Variants in AIFM2 observed in about 807,000 individuals in gnomAD.
AIFM2 encodes the protein AIF family member 2, ferroptosis suppressor.
A neutral mutation model predicts 35.7 loss-of-function variants in AIFM2; 38 were observed. The observed-to-expected ratio is 1.06, with a 90% CI of 0.82 to 1.39. The LOEUF (loss-of-function observed/expected upper bound fraction) is 1.39. AIFM2 is among the 40% of genes most tolerant of loss of function. The pLI is 0.00. For synonymous variants in AIFM2, 185 were observed against 203.5 expected (o/e 0.91, Z 0.77); for missense variants, 476 against 491.2 (o/e 0.97, Z 0.29).
rs974141789 is a variant in AIFM2 at position 70,112,329 on chromosome 10, C to T, written c.*1849G>A. 4 of 152,196 alleles carry T rather than the reference C, an allele frequency of 2.6e-5. No homozygotes were observed. Among genetic ancestry groups the T allele is most frequent in the Non-Finnish European group, 5.9e-5 (4 of 68,042 alleles). 9.4% of individuals were successfully genotyped at this position (152,196 alleles called of 1,614,324 possible). A position where few individuals can be genotyped will look rare whatever the true frequency, so the allele number is the denominator to read the frequency against. Reference sequence around the variant, plus strand: ...TCCTCAGTTTGGAAAACTGTGTCCCCACACGTAGGTCCTTCTAGAATATTG... The same window carrying T: ...TCCTCAGTTTGGAAAACTGTGTCCCTACACGTAGGTCCTTCTAGAATATTG... On this transcript the variant is annotated 3_prime_UTR_variant, in exon 9 of 9. Coordinates refer to ENST00000307864, the MANE Select transcript of AIFM2 (RefSeq NM_032797.6).
rs753571116 is a variant in AIFM2 at position 70,114,326 on chromosome 10, G to C, written c.974C>G (p.Ala325Gly). The change falls in exon 9 of 9, where the codon GCA becomes GGA. Residue 325 changes from alanine (A) to glycine (G), a missense_variant. Physicochemically the swap from Ala to Gly is moderately conservative, Grantham distance 60. Transcript: ENST00000307864. ...QRPLQAYKPGALTFLLSMGRN... is the reference protein window; with the variant it reads ...QRPLQAYKPGGLTFLLSMGRN... The stretch of plus-strand genomic sequence containing the variant: ...CCCCATGGACAGGAGGAACGTCAGT[G>C]CACCTGCAAGCAGAGACACAGAAAC... The C allele has an allele frequency of 6.2e-7, 1 of 1,613,846 alleles. No homozygotes were observed. The highest frequency in any genetic ancestry group is 8.5e-7 in the Non-Finnish European group (1 of 1,179,972).
chr10:70,114,600 G>A (rs60433919), intron 8 of AIFM2, among the ~76,000 whole-genome samples: 16,828 of 151,886 alleles, frequency 0.11, 1,268 homozygotes, highest in African/African-American at 0.19. Context: ...TCAACCTCCC[G>A]AGTAGCTGGG....
chr10:70,118,133 C>T, intron 5 of AIFM2: 1 of 498,958 alleles, frequency 2.0e-6, no homozygotes, highest in East Asian at 3.8e-5. Flanking sequence ...TACCCTCCTG[C>T]CACACCCAGG....
intron 3 of AIFM2, among the ~76,000 whole-genome samples, chr10:70,122,339 C>T (rs2072518857): frequency 6.6e-6 from 1 of 152,262 alleles, no homozygotes; most frequent in South Asian, 2.1e-4. Flanking sequence ...GTAATCTTTC[C>T]AACCAGGAAA....
At chr10:70,121,425 A>G (rs1351629550) in intron 3 of AIFM2, among the ~76,000 whole-genome samples, 2 of 152,080 alleles carry the variant, frequency 1.3e-5, no homozygotes, top group Non-Finnish European at 2.9e-5. Flanking sequence ...ACCTGGGGAA[A>G]GACCTAAGGA....
chr10:70,129,615 A>G (rs1428050066), intron 1 of AIFM2, among the ~76,000 whole-genome samples: 1 of 152,150 alleles, frequency 6.6e-6, no homozygotes, highest in African/African-American at 2.4e-5. Flanking sequence ...TCAATTCTCA[A>G]CACATCAAAC....
intron 6 of AIFM2, 77 bp from the exon 7 acceptor site, chr10:70,116,851 C>A: frequency 6.3e-7 from 1 of 1,577,104 alleles, no homozygotes; most frequent in South Asian, 1.1e-5. Flanking sequence ...CAAGGCTAAC[C>A]CTGGGGAGGG....
In AIFM2 at chr10:70,120,524, C is replaced by A; in HGVS notation, c.490G>T (p.Glu164Ter). 1 of 1,614,200 alleles carries A rather than the reference C, an allele frequency of 6.2e-7. No homozygotes were observed. Among genetic ancestry groups the A allele is most frequent in the Non-Finnish European group, 8.5e-7 (1 of 1,180,036 alleles). ...TGGCTCACCTCTTTCTCAGGATATT[C>A]TGTTTTAATCTCTGCTGCCATCTCC... ...GVEMAAEIKT[E>*]YPEKEVTLIH... The change falls in exon 5 of 9, where the codon GAA becomes TAA. Residue 164 changes from glutamate to a stop codon, truncating the protein, a stop_gained. Transcript: ENST00000307864. LOFTEE classifies it high-confidence loss of function.
At chr10:70,115,489 A>AGGTGT (rs1374370188) in intron 7 of AIFM2, among the ~76,000 whole-genome samples, 1 of 152,252 alleles carries the variant, frequency 6.6e-6, no homozygotes, top group Non-Finnish European at 1.5e-5. Flanking sequence ...AATGCAGGCC[A>AGGTGT]GGTGTGGTGG....
intron 1 of AIFM2, among the ~76,000 whole-genome samples, chr10:70,126,534 C>A (rs1194810102): frequency 6.6e-6 from 1 of 152,166 alleles, no homozygotes; most frequent in African/African-American, 2.4e-5. Flanking sequence ...GGGCACAACC[C>A]CTTCCCTCTC....
intron 1 of AIFM2, among the ~76,000 whole-genome samples, chr10:70,129,436 G>T (rs2072604034): frequency 6.6e-6 from 1 of 151,960 alleles, no homozygotes; most frequent in African/African-American, 2.4e-5. Context: ...CCACATGAAA[G>T]ATCTAATCCC....
intron 1 of AIFM2, among the ~76,000 whole-genome samples, chr10:70,128,403 G>A (rs1012632814): frequency 2.6e-5 from 4 of 152,216 alleles, no homozygotes; most frequent in African/African-American, 9.7e-5. Flanking sequence ...TGCACAGGCT[G>A]GAGTACAGTG....
chr10:70,126,782 G>A (rs751213759), intron 1 of AIFM2, among the ~76,000 whole-genome samples: 2 of 152,166 alleles, frequency 1.3e-5, no homozygotes, highest in Non-Finnish European at 2.9e-5. Flanking sequence ...TAGAGCGGAC[G>A]GAGGGCACTG....
chr10:70,131,760 G>A lies in AIFM2; in HGVS notation c.-14+974C>T, dbSNP rs569263732. Among the ~76,000 whole-genome samples the A allele has an allele frequency of 2.2e-4, 33 of 152,266 alleles. No homozygotes were observed. Among genetic ancestry groups the A allele is most frequent in the African/African-American group, 7.0e-4 (29 of 41,548 alleles). On this transcript the variant is annotated intron_variant, in intron 1 of 8. Transcript: ENST00000307864. The surrounding 1 kb of genome is among the most constrained non-coding windows in gnomAD (Gnocchi z 4.1). ...GCCTGCCCAGCCCACCCTGGCTGGG[G>A]CTCAGTGCCCTCTTCTTGGTGACAC... is the stretch of plus-strand genomic sequence containing the variant.
intron 1 of AIFM2, among the ~76,000 whole-genome samples, chr10:70,126,922 A>AG (rs34517580): frequency 0.67 from 101,978 of 152,022 alleles, 34,394 homozygotes; most frequent in East Asian, 0.85. Flanking sequence ...ACCCAAGACA[A>AG]CCCCCCGGCA....
Position 70,113,252 on chromosome 10 carries a change from C to T in AIFM2, c.*926G>A. The T allele has an allele frequency of 6.6e-6, 1 of 152,412 alleles. No individual in the cohort carries two copies. Among genetic ancestry groups the T allele is most frequent in the Non-Finnish European group, 1.5e-5 (1 of 68,068 alleles). The allele number at this position is 152,412 out of a possible 1,614,324, so 9.4% of individuals were successfully genotyped here. A position where few individuals can be genotyped will look rare whatever the true frequency, so the allele number is the denominator to read the frequency against. On this transcript the variant is annotated 3_prime_UTR_variant, in exon 9 of 9. Transcript: ENST00000307864. ...TCTAAAAGTGGAAATGTGCTGGCCGCAGTGGCTCACGCCTGGAATCCCAGC... is the reference window on the plus strand; with the variant it reads ...TCTAAAAGTGGAAATGTGCTGGCCGTAGTGGCTCACGCCTGGAATCCCAGC...
chr10:70,115,546 C>G (rs2072426743), intron 7 of AIFM2, among the ~76,000 whole-genome samples: 1 of 152,242 alleles, frequency 6.6e-6, no homozygotes, highest in Non-Finnish European at 1.5e-5. Flanking sequence ...GCGGCCAGAT[C>G]ACTTGAGGCC....
At chr10:70,116,549 A>G in intron 7 of AIFM2, 73 bp downstream of exon 7, 1 of 1,581,266 alleles carries the variant, frequency 6.3e-7, no homozygotes. Context: ...CCTGGGGGCA[A>G]GCACTGCAGG....
At position 70,113,319 on chromosome 10, in the gene AIFM2, G is replaced by A. The variant is rs953826805; in HGVS notation, c.*859C>T. 7.2e-5 allele frequency: 11 copies of A among 152,386 alleles called. No homozygotes were observed. The highest frequency in any genetic ancestry group is 2.6e-4 in the African/African-American group (11 of 41,580). The allele number at this position is 152,386 out of a possible 1,614,324, so 9.4% of individuals were successfully genotyped here. A position where few individuals can be genotyped will look rare whatever the true frequency, so the allele number is the denominator to read the frequency against. On this transcript the variant is annotated 3_prime_UTR_variant, in exon 9 of 9. Transcript: ENST00000307864. ...ACGAATGGATCACCTGAGGTCAGGTGTTCGAGACCAGCCTGGCCAACACAG... is the reference window on the plus strand; with the variant it reads ...ACGAATGGATCACCTGAGGTCAGGTATTCGAGACCAGCCTGGCCAACACAG...
Sources: allele counts gnomAD v4.1 joint callset (sites outside exome capture counted in the v4.1 genomes callset), GRCh38; gene constraint gnomAD v4.1.1; non-coding constraint Gnocchi (gnomAD v3.1); transcripts MANE v1.5; gene names NCBI Gene and HGNC (gene_info 2026-07-23, HGNC 2026-07-21).